RASSF5: variants seen among roughly 807,000 people sequenced by gnomAD.
The protein encoded by RASSF5 is ras association domain-containing protein 5.
In RASSF5, 25 loss-of-function variants were observed where a neutral mutation model predicts 40.5. The ratio of observed to expected loss-of-function variants is 0.62; its 90% CI spans 0.45 to 0.86. The LOEUF is 0.86. Ranked by LOEUF, RASSF5 falls within the 40% of genes least tolerant of loss-of-function variation. RASSF5 has a pLI of 0.00. For synonymous variants in RASSF5, 246 were observed against 252.4 expected, an observed-to-expected ratio of 0.97 and a Z score of 0.24; for missense variants, 521 against 572.8, an observed-to-expected ratio of 0.91 and a Z score of 0.92.
At chr1:206,555,543 A>G (rs2103537036) in intron 2 of RASSF5, among the ~76,000 whole-genome samples, 1 of 152,298 alleles carries the variant, frequency 6.6e-6, no homozygotes, top group East Asian at 1.9e-4. Flanking sequence ...TTTGAAAAAA[A>G]GATTGCTCCA....
chr1:206,545,615 T>G (rs1436037646), intron 2 of RASSF5, among the ~76,000 whole-genome samples: 1 of 152,138 alleles, frequency 6.6e-6, no homozygotes, highest in African/African-American at 2.4e-5. Context: ...CAGGCACAAG[T>G]CACCACATGG....
Position 206,535,573 on chromosome 1 carries a change from C to T in RASSF5, c.458-2599C>T, listed in dbSNP as rs186251577. Among the ~76,000 whole-genome samples, 74 of 152,172 alleles carry T rather than the reference C, an allele frequency of 4.9e-4. No homozygotes were observed. The highest frequency in any genetic ancestry group is 3.4e-3 in the Middle Eastern group (1 of 294). On this transcript the variant is annotated intron_variant, in intron 1 of 5. Coordinates refer to ENST00000579436, the MANE Select transcript of RASSF5 (RefSeq NM_182663.4). This position sits in a 1 kb window ranked among gnomAD's most constrained non-coding sequence, Gnocchi z 5.0. Reference sequence around the variant, plus strand: ...TGCTGCAGCCTGTGATTACATGGTCCGATGGAACAAAGTCTTTGGTGCTCA... The same window carrying T: ...TGCTGCAGCCTGTGATTACATGGTCTGATGGAACAAAGTCTTTGGTGCTCA...
chr1:206,562,699 G>A (rs1287081330), intron 2 of RASSF5, among the ~76,000 whole-genome samples: 5 of 152,260 alleles, frequency 3.3e-5, no homozygotes, highest in South Asian at 2.1e-4. Flanking sequence ...TTGGGAGGCC[G>A]AGACGGGCGG....
Position 206,507,600 on chromosome 1 carries a change from G to T in RASSF5, c.-3G>T. 6.6e-7 allele frequency: 1 copy of T among 1,504,280 alleles called. No homozygotes were observed. The highest frequency in any genetic ancestry group is 8.8e-7 in the Non-Finnish European group (1 of 1,133,426). 93.2% of individuals were successfully genotyped at this position (1,504,280 alleles called of 1,614,324 possible). A position where few individuals can be genotyped will look rare whatever the true frequency, so the allele number is the denominator to read the frequency against. ...CTGCCAAAGCTGCCGCCACTAGCCG[G>T]GCATGGCCATGGCGTCCCCGGCCAT... is the stretch of plus-strand genomic sequence containing the variant. On this transcript the variant is annotated 5_prime_UTR_variant, in exon 1 of 6. Transcript: ENST00000579436.
chr1:206,584,883 C>T lies in RASSF5; in HGVS notation c.988+199C>T, dbSNP rs1281033044. 1.3e-5 allele frequency: 8 copies of T among 627,290 alleles called. No homozygotes were observed. The highest frequency in any genetic ancestry group is 1.1e-4 in the African/African-American group (6 of 54,260). 38.9% of individuals were successfully genotyped at this position (627,290 alleles called of 1,614,324 possible). ...GAGTCCCTGACTCTGCATGTGACTT[C>T]AGGAAAACCACACCCTAGGCTCCCA... On this transcript the variant is annotated intron_variant, in intron 4 of 5. Coordinates refer to ENST00000579436, the MANE Select transcript of RASSF5 (RefSeq NM_182663.4). This position sits in a 1 kb window ranked among gnomAD's most constrained non-coding sequence, Gnocchi z 4.9.
chr1:206,583,827 G>C (rs1668991414), intron 3 of RASSF5: 1 of 186,246 alleles, frequency 5.4e-6, no homozygotes, highest in African/African-American at 2.4e-5. Flanking sequence ...TCTTCAATAG[G>C]GAGGGGAGAA....
At chr1:206,547,957 G>C (rs1667739367) in intron 2 of RASSF5, among the ~76,000 whole-genome samples, 1 of 152,104 alleles carries the variant, frequency 6.6e-6, no homozygotes, top group South Asian at 2.1e-4. Context: ...GTGTGCTGAT[G>C]ATGAGTTTTT....
In RASSF5 at chr1:206,507,744, G is replaced by A. The variant is rs782563542; in HGVS notation, c.142G>A (p.Ala48Thr). ...PDRSSRLCVP[A>T]PLSTAPGARE... ...CCGGTCCTCGCGCCTCTGTGTCCCG[G>A]CGCCCCTCTCCACTGCGCCCGGGGC... The change falls in exon 1 of 6, where the codon GCG becomes ACG. Residue 48 changes from alanine to threonine, a missense_variant. By Grantham distance (58) the Ala-to-Thr change is moderately conservative (BLOSUM62 0). Transcript: ENST00000579436. 2 of 1,471,016 alleles carry A rather than the reference G, an allele frequency of 1.4e-6. No individual in the cohort carries two copies. The highest frequency in any genetic ancestry group is 2.1e-4 in the Middle Eastern group (1 of 4,674). 91.1% of individuals were successfully genotyped at this position (1,471,016 alleles called of 1,614,324 possible).
intron 2 of RASSF5, among the ~76,000 whole-genome samples, chr1:206,547,244 C>G (rs1553400330): frequency 1.3e-5 from 2 of 152,204 alleles, no homozygotes; most frequent in Admixed American, 6.5e-5. Context: ...GGGGTCCCAG[C>G]CCCCAGGGCC....
intron 2 of RASSF5, among the ~76,000 whole-genome samples, chr1:206,568,003 C>T (rs1668331236): frequency 6.6e-6 from 1 of 152,176 alleles, no homozygotes; most frequent in Admixed American, 6.5e-5. Context: ...TGCCAGAGCT[C>T]CTAACCACTA....
rs139982831 is a variant in RASSF5, at chr1:206,577,259, C to T, written c.580-6010C>T. Among the ~76,000 whole-genome samples the T allele has an allele frequency of 3.9e-5, 6 of 152,270 alleles. No individual in the cohort carries two copies. In the East Asian group the frequency reaches 5.8e-4, roughly 15 times the overall value. The stretch of plus-strand genomic sequence containing the variant: ...CTTTACAGAAAAAGTTTGCCAACCA[C>T]TGGTGCAGAGAAAGGAATTAACAAA... On this transcript the variant is annotated intron_variant, in intron 2 of 5. Coordinates refer to ENST00000579436, the MANE Select transcript of RASSF5 (RefSeq NM_182663.4).
intron 2 of RASSF5, among the ~76,000 whole-genome samples, chr1:206,574,946 G>T (rs571405918): frequency 7.0e-6 from 1 of 143,110 alleles, no homozygotes; most frequent in South Asian, 2.2e-4. Flanking sequence ...TGCAACCTCT[G>T]CCTCCCAGGT....
chr1:206,514,232 C>T (rs546064745), intron 1 of RASSF5, among the ~76,000 whole-genome samples: 3 of 152,348 alleles, frequency 2.0e-5, no homozygotes, highest in African/African-American at 7.2e-5. Flanking sequence ...TGTCCAGCCT[C>T]CCAGGGGAGA....
At chr1:206,583,493 C>A in intron 3 of RASSF5, 114 bp downstream of exon 3, 1 of 739,276 alleles carries the variant, frequency 1.4e-6, no homozygotes. Context: ...CCCTCCCTTT[C>A]CTCCGGCCTC....
At position 206,552,606 on chromosome 1, in the gene RASSF5, G is replaced by A. The variant is rs73079101; in HGVS notation, c.579+14313G>A. Among the ~76,000 whole-genome samples, 846 of 152,292 alleles carry A rather than the reference G, an allele frequency of 5.6e-3. 10 individuals carry two copies. The highest frequency in any genetic ancestry group is 0.019 in the African/African-American group (789 of 41,526). On this transcript the variant is annotated intron_variant, in intron 2 of 5. Coordinates refer to ENST00000579436, the MANE Select transcript of RASSF5 (RefSeq NM_182663.4). This position sits in a 1 kb window ranked among gnomAD's most constrained non-coding sequence, Gnocchi z 4.1. The stretch of plus-strand genomic sequence containing the variant: ...TGCTCAAGAGTTTGGAATAGGTGGC[G>A]GGAGTCGGTGGAGAAAGGACAATTG...
At chr1:206,565,196 C>T (rs1450630757) in intron 2 of RASSF5, among the ~76,000 whole-genome samples, 8 of 152,274 alleles carry the variant, frequency 5.3e-5, no homozygotes, top group South Asian at 2.1e-4. Flanking sequence ...CATCTGTCCC[C>T]GCAGTGCTGC....
chr1:206,523,724 T>A (rs1343709189), intron 1 of RASSF5, among the ~76,000 whole-genome samples: 2 of 17,146 alleles, frequency 1.2e-4, no homozygotes, highest in Admixed American at 1.1e-3. Flanking sequence ...ACAATATATT[T>A]ATATATTATA....
intron 1 of RASSF5, among the ~76,000 whole-genome samples, chr1:206,518,983 C>A (rs1459046613): frequency 5.9e-5 from 9 of 151,908 alleles, no homozygotes; most frequent in South Asian, 4.2e-4. Flanking sequence ...GTTTCCCAGG[C>A]AAAGGCTTCT....
intron 1 of RASSF5, among the ~76,000 whole-genome samples, chr1:206,524,866 C>T (rs1553396957): frequency 1.3e-5 from 2 of 150,618 alleles, no homozygotes; most frequent in Middle Eastern, 3.2e-3. Context: ...CACATACACA[C>T]ACACACTCAC....
Sources: allele counts gnomAD v4.1 joint callset (sites outside exome capture counted in the v4.1 genomes callset), GRCh38; gene constraint gnomAD v4.1.1; non-coding constraint Gnocchi (gnomAD v3.1); transcripts MANE v1.5; gene names NCBI Gene and HGNC (gene_info 2026-07-23, HGNC 2026-07-21).